ST18: variants seen among roughly 807,000 people sequenced by gnomAD.
ST18 encodes suppression of tumorigenicity 18 protein.
Under a neutral mutation model 110.0 loss-of-function variants are expected in ST18, and 50 were observed. The ratio of observed to expected loss-of-function variants is 0.45; its 90% CI spans 0.36 to 0.58. The LOEUF is 0.58. ST18 is among the 20% of genes least tolerant of loss of function. The pLI is 0.00. For synonymous variants in ST18, 461 were observed against 452.4 expected (o/e 1.02, Z -0.24); for missense variants, 1,306 against 1,280.1 (o/e 1.02, Z -0.31).
chr8:52,383,011 TCTC>T (rs1835148853), intron 2 of ST18, among the ~76,000 whole-genome samples: 1 of 152,112 alleles, frequency 6.6e-6, no homozygotes, highest in Non-Finnish European at 1.5e-5. Flanking sequence ...AAACCTGGGT[TCTC>T]CTTCTCTTCT....
chr8:52,247,056 G>A (rs2093918347), intron 2 of ST18, among the ~76,000 whole-genome samples: 1 of 152,154 alleles, frequency 6.6e-6, no homozygotes, highest in Admixed American at 6.6e-5. Flanking sequence ...TCTCTAGGAA[G>A]CATTTTATAG....
intron 22 of ST18, among the ~76,000 whole-genome samples, chr8:52,131,388 GAC>G (rs780510285): frequency 1.8e-4 from 28 of 152,294 alleles, no homozygotes; most frequent in Admixed American, 5.2e-4. Flanking sequence ...TTGAATGCAT[GAC>G]ACTCGGTGGT....
chr8:52,408,626 T>G (rs1324977016), intron 2 of ST18, among the ~76,000 whole-genome samples: 1 of 152,252 alleles, frequency 6.6e-6, no homozygotes, highest in Non-Finnish European at 1.5e-5. Context: ...TCCCAAGTAC[T>G]GCGTAGTGAC....
In ST18 at chr8:52,165,209, T is replaced by A; in HGVS notation, c.1221A>T (p.Glu407Asp). 1 of 1,614,216 alleles carries A rather than the reference T, an allele frequency of 6.2e-7. No homozygotes were observed. ...RVPLEILAMHENVLKCPTPGC... is the reference protein window; with the variant it reads ...RVPLEILAMHDNVLKCPTPGC... The stretch of plus-strand genomic sequence containing the variant: ...CCGGCGTGGGACACTTGAGCACATT[T>A]TCATGCATGGCAAGAACTAAGCACA... The change falls in exon 12 of 26, where the codon GAA becomes GAT. Residue 407 changes from glutamate (E) to aspartate (D), a missense_variant. Transcript: ENST00000689386.
At chr8:52,284,490 C>T (rs552564234) in intron 2 of ST18, among the ~76,000 whole-genome samples, 1 of 152,222 alleles carries the variant, frequency 6.6e-6, no homozygotes, top group South Asian at 2.1e-4. Context: ...TATGAGAGAA[C>T]ACAGGGAGTG....
At chr8:52,367,885 G>C (rs1020661329) in intron 2 of ST18, among the ~76,000 whole-genome samples, 3 of 152,166 alleles carry the variant, frequency 2.0e-5, no homozygotes, top group African/African-American at 7.2e-5. Context: ...TGACTGCCTT[G>C]TTTTCTTGAC....
intron 2 of ST18, among the ~76,000 whole-genome samples, chr8:52,261,588 G>A (rs2094695668): frequency 6.6e-6 from 1 of 152,188 alleles, no homozygotes; most frequent in African/African-American, 2.4e-5. Context: ...TTACTGTGCT[G>A]AGAATTACTT....
At chr8:52,177,621 A>G (rs899771708) in intron 9 of ST18, among the ~76,000 whole-genome samples, 1 of 152,212 alleles carries the variant, frequency 6.6e-6, no homozygotes, top group African/African-American at 2.4e-5. Flanking sequence ...CATTACTGGA[A>G]ACTGTGACTT....
chr8:52,255,515 A>T (rs2094498336), intron 2 of ST18, among the ~76,000 whole-genome samples: 1 of 152,220 alleles, frequency 6.6e-6, no homozygotes, highest in African/African-American at 2.4e-5. Flanking sequence ...TATTTTCCTG[A>T]AAACTGTTTT....
intron 2 of ST18, among the ~76,000 whole-genome samples, chr8:52,350,758 T>C (rs986242684): frequency 3.3e-5 from 5 of 151,976 alleles, no homozygotes; most frequent in Admixed American, 6.6e-5. Context: ...TCTCGCTCTG[T>C]TGCCCAGGCT....
At chr8:52,235,627 A>G (rs2092523857) in intron 2 of ST18, among the ~76,000 whole-genome samples, 1 of 152,252 alleles carries the variant, frequency 6.6e-6, no homozygotes, top group Admixed American at 6.5e-5. Context: ...TGGTGAAAAC[A>G]TGCAGTTCAG....
intron 2 of ST18, among the ~76,000 whole-genome samples, chr8:52,346,935 T>C (rs1818064548): frequency 6.6e-6 from 1 of 152,004 alleles, no homozygotes; most frequent in South Asian, 2.1e-4. Flanking sequence ...TTCTGTAAAA[T>C]CCAAAAAATA....
chr8:52,342,973 T>C (rs1368322317), intron 2 of ST18, among the ~76,000 whole-genome samples: 1 of 152,046 alleles, frequency 6.6e-6, no homozygotes, highest in Admixed American at 6.5e-5. Context: ...GGGAGAGACA[T>C]ATGGATGAGG....
At chr8:52,230,799 A>G (rs533973485) in intron 2 of ST18, among the ~76,000 whole-genome samples, 1 of 116,250 alleles carries the variant, frequency 8.6e-6, no homozygotes, top group South Asian at 3.3e-4. Context: ...AATACTGCCG[A>G]ACCCTTGGAA....
intron 2 of ST18, among the ~76,000 whole-genome samples, chr8:52,279,018 A>T (rs2095325915): frequency 6.6e-6 from 1 of 152,308 alleles, no homozygotes; most frequent in Non-Finnish European, 1.5e-5. Context: ...GACAATAATA[A>T]ATCAGAAAAT....
rs763816431 is a variant in ST18 at position 52,391,462 on chromosome 8, C to T, written c.-465+17866G>A. ...CATGGAGGAAGGAGAATTTCAGTCG[C>T]GCGTCTCACAAAGACATTGCCATCA... is the stretch of plus-strand genomic sequence containing the variant. On this transcript the variant is annotated intron_variant, in intron 2 of 25. Coordinates refer to ENST00000689386, the MANE Select transcript of ST18 (RefSeq NM_001352837.2). 2.0e-5 allele frequency among the ~76,000 whole-genome samples: 3 copies of T among 152,162 alleles called. No individual in the cohort carries two copies. The East Asian group carries it at 5.8e-4, about 29-fold the overall frequency.
chr8:52,190,905 T>C (rs140149349), intron 8 of ST18, among the ~76,000 whole-genome samples: 52 of 152,260 alleles, frequency 3.4e-4, no homozygotes, highest in African/African-American at 1.1e-3. Flanking sequence ...GTGAAGTGCT[T>C]AGGGGCTCAG....
At chr8:52,227,645 C>T (rs2089948981) in intron 3 of ST18, among the ~76,000 whole-genome samples, 1 of 152,130 alleles carries the variant, frequency 6.6e-6, no homozygotes, top group African/African-American at 2.4e-5. Flanking sequence ...AAATTAAATG[C>T]TTTGAATTTG....
At chr8:52,256,389 G>A (rs1237460833) in intron 2 of ST18, among the ~76,000 whole-genome samples, 1 of 152,252 alleles carries the variant, frequency 6.6e-6, no homozygotes, top group South Asian at 2.1e-4. Flanking sequence ...TTTGAGAAGG[G>A]TCTCCCTCTG....
Sources: gnomAD v4.1 joint callset for allele counts (sites outside exome capture counted in the v4.1 genomes callset) on GRCh38, gnomAD v4.1.1 for gene constraint, MANE v1.5 for transcripts, NCBI Gene and HGNC (gene_info 2026-07-23, HGNC 2026-07-21) for gene names.